The following NCAPG2 variants were observed in gnomAD, a reference collection of about 807,000 sequenced individuals.
NCAPG2 encodes the protein non-SMC condensin II complex subunit G2.
In NCAPG2, 53 loss-of-function variants were observed where a neutral mutation model predicts 141.1. That is an observed-to-expected ratio of 0.38 (90% CI 0.30 to 0.47). The LOEUF (loss-of-function observed/expected upper bound fraction) is 0.47, where lower values mean the gene tolerates loss of function less well. Among genes scored for constraint, NCAPG2 ranks in the 20% least tolerant of loss-of-function variants. The pLI, the probability that NCAPG2 is intolerant of heterozygous loss-of-function variation, is 0.99. For missense variants in NCAPG2, 1,087 were observed against 1,389.0 expected (o/e 0.78, Z 3.46); for synonymous variants, 499 against 490.7 (o/e 1.02, Z -0.22).
intron 27 of NCAPG2, chr7:158,641,574 A>G: frequency 1.6e-6 from 1 of 618,008 alleles, no homozygotes; most frequent in Non-Finnish European, 2.9e-6. Flanking sequence ...AAAAAAAAAA[A>G]GGAAATGAAT....
At chr7:158,693,740 G>T (rs1290874629) in intron 2 of NCAPG2, among the ~76,000 whole-genome samples, 2 of 152,046 alleles carry the variant, frequency 1.3e-5, no homozygotes, top group African/African-American at 4.8e-5. Flanking sequence ...CCCTAAAAGG[G>T]ACCCAAATGT....
At chr7:158,634,087 T>G (rs1465947010) in intron 27 of NCAPG2, among the ~76,000 whole-genome samples, 1 of 152,150 alleles carries the variant, frequency 6.6e-6, no homozygotes, top group Non-Finnish European at 1.5e-5. Context: ...TCTCCTTAAG[T>G]GAACATGAAT....
At chr7:158,658,998 C>T (rs1488188558) in intron 16 of NCAPG2, among the ~76,000 whole-genome samples, 1 of 146,620 alleles carries the variant, frequency 6.8e-6, no homozygotes, top group Non-Finnish European at 1.5e-5. Context: ...AGCATTCACT[C>T]CAGCCTGGGC....
chr7:158,661,536 A>G (rs981844798), intron 16 of NCAPG2, among the ~76,000 whole-genome samples: 3 of 152,214 alleles, frequency 2.0e-5, no homozygotes, highest in African/African-American at 7.2e-5. Flanking sequence ...GATCTATCCT[A>G]TAACATGGTG....
intron 12 of NCAPG2, among the ~76,000 whole-genome samples, chr7:158,672,264 G>A (rs1470516251): frequency 7.4e-5 from 9 of 121,358 alleles, no homozygotes; most frequent in Non-Finnish European, 1.5e-4. Context: ...AAGTATATAC[G>A]GTATTCCAAA....
At chr7:158,637,882 C>G (rs1830395280) in intron 27 of NCAPG2, among the ~76,000 whole-genome samples, 1 of 152,092 alleles carries the variant, frequency 6.6e-6, no homozygotes, top group African/African-American at 2.4e-5. Flanking sequence ...GGTGGCTCAC[C>G]CCTGTAATCC....
intron 27 of NCAPG2, among the ~76,000 whole-genome samples, chr7:158,639,204 C>T (rs1830478374): frequency 6.6e-6 from 1 of 152,028 alleles, no homozygotes. Context: ...ACCTCCTGGG[C>T]TCAAGTGATC....
intron 11 of NCAPG2, 144 bp from the exon 12 acceptor site, chr7:158,675,800 C>A: frequency 1.2e-6 from 1 of 835,808 alleles, no homozygotes; most frequent in East Asian, 2.9e-5. Flanking sequence ...ATTCCTAGAC[C>A]TGAGATTACT....
chr7:158,673,308 G>A (rs1317737913), intron 12 of NCAPG2, among the ~76,000 whole-genome samples: 2 of 152,240 alleles, frequency 1.3e-5, no homozygotes, highest in African/African-American at 4.8e-5. Flanking sequence ...CAGCAGTGGA[G>A]ACAGGGTGGT....
intron 4 of NCAPG2, among the ~76,000 whole-genome samples, chr7:158,691,030 A>C (rs556980373): frequency 6.6e-6 from 1 of 152,342 alleles, no homozygotes; most frequent in East Asian, 1.9e-4. Flanking sequence ...GAGGCTAACC[A>C]AACCTCAGTG....
rs767088290 is a variant in NCAPG2, at chr7:158,655,146, T to C, written c.2618A>G (p.His873Arg). 5 of 1,613,632 alleles carry C rather than the reference T, an allele frequency of 3.1e-6. No individual in the cohort carries two copies. Among genetic ancestry groups the C allele is most frequent in the Non-Finnish European group, 1.7e-6 (2 of 1,179,920 alleles). ...GATAATTTGCTGATAAATGACCCTA[T>C]GAAGCTTCAGGTAGTCTTCTTCTTG... ...QDQEEDYLKL[H>R]RVIYQQIIQT... Residue 873 changes from histidine to arginine, a missense_variant, in exon 21 of 28, where the codon CAT becomes CGT. By Grantham distance (29) the His-to-Arg change is conservative. Coordinates refer to ENST00000356309, the MANE Select transcript of NCAPG2 (RefSeq NM_017760.7).
intron 9 of NCAPG2, among the ~76,000 whole-genome samples, chr7:158,681,427 C>A (rs10237229): frequency 0.9 from 137,076 of 152,210 alleles, 61,793 homozygotes; most frequent in Admixed American, 0.94. Flanking sequence ...TTCTTTGTAG[C>A]CTCATGTCCC....
At chr7:158,689,727 G>A (rs897556040) in intron 6 of NCAPG2, 92 bp downstream of exon 6, 53 of 1,203,800 alleles carry the variant, frequency 4.4e-5, no homozygotes, top group Non-Finnish European at 5.3e-5. Flanking sequence ...AAGCAACACC[G>A]AGCATGGTGC....
chr7:158,691,751 T>A (rs904220605), intron 4 of NCAPG2, among the ~76,000 whole-genome samples: 2 of 152,210 alleles, frequency 1.3e-5, no homozygotes, highest in African/African-American at 4.8e-5. Context: ...TAAATTTCAA[T>A]ACAGTAAAAC....
chr7:158,678,043 T>C (rs929807684), intron 11 of NCAPG2, among the ~76,000 whole-genome samples: 1 of 151,916 alleles, frequency 6.6e-6, no homozygotes, highest in Admixed American at 6.6e-5. Context: ...GCAATCCTTC[T>C]TCCTCGGCCT....
intron 8 of NCAPG2, among the ~76,000 whole-genome samples, chr7:158,684,964 T>C (rs1247070892): frequency 5.9e-5 from 9 of 152,224 alleles, no homozygotes; most frequent in Non-Finnish European, 1.3e-4. Flanking sequence ...GCAGCCTCTG[T>C]CCACTCTGCA....
At chr7:158,639,778 AAAAACAAAACACTAC>A (rs1263261891) in intron 27 of NCAPG2, 2 of 921,040 alleles carry the variant, frequency 2.2e-6, no homozygotes, top group African/African-American at 1.8e-5. Flanking sequence ...CTGAAAAAAC[AAAAACAAAACACTAC>A]AAAACAAAAC....
intron 2 of NCAPG2, among the ~76,000 whole-genome samples, chr7:158,697,484 T>C (rs1357743553): frequency 6.6e-6 from 1 of 151,594 alleles, no homozygotes; most frequent in African/African-American, 2.4e-5. Flanking sequence ...GCCTGTAATC[T>C]CAACTATTCA....
chr7:158,702,890 G>A lies in NCAPG2; in HGVS notation c.-39-952C>T, dbSNP rs75264665. Among the ~76,000 whole-genome samples the A allele has an allele frequency of 4.9e-3, 748 of 152,288 alleles. 42 individuals carry two copies. In the East Asian group the frequency reaches 0.11, roughly 23 times the overall value. On this transcript the variant is annotated intron_variant, in intron 1 of 27. Coordinates refer to ENST00000356309, the MANE Select transcript of NCAPG2 (RefSeq NM_017760.7). Reference sequence around the variant, plus strand: ...CTCAAATGGCTGAACTATGAACTACGGTCATGGACCACATAACATTTCAGT... The same window carrying A: ...CTCAAATGGCTGAACTATGAACTACAGTCATGGACCACATAACATTTCAGT...
Sources: gnomAD v4.1 joint callset for allele counts (sites outside exome capture counted in the v4.1 genomes callset) on GRCh38, gnomAD v4.1.1 for gene constraint, MANE v1.5 for transcripts, NCBI Gene and HGNC (gene_info 2026-07-23, HGNC 2026-07-21) for gene names.